The following SCAPER variants were observed in gnomAD, a reference collection of about 807,000 sequenced individuals.
SCAPER encodes S phase cyclin A-associated protein in the endoplasmic reticulum.
In SCAPER, 98 loss-of-function variants were observed where a neutral mutation model predicts 182.2. That is an observed-to-expected ratio of 0.54 (90% CI 0.46 to 0.64). SCAPER has a LOEUF of 0.64. Among genes scored for constraint, SCAPER ranks in the 30% least tolerant of loss-of-function variants. The pLI is 0.00. For missense variants in SCAPER, 1,432 were observed against 1,690.0 expected (o/e 0.85, Z 2.68); for synonymous variants, 605 against 564.6 (o/e 1.07, Z -1.01).
At chr15:76,423,871 T>G (rs1435726514) in intron 26 of SCAPER, among the ~76,000 whole-genome samples, 1 of 152,252 alleles carries the variant, frequency 6.6e-6, no homozygotes, top group Non-Finnish European at 1.5e-5. Context: ...CTTCATTTCG[T>G]TATTTACCCA....
rs936994035 is a variant in SCAPER, at chr15:76,704,810, C to G, written c.2247+1093G>C. On this transcript the variant is annotated intron_variant, in intron 18 of 31. Coordinates refer to ENST00000563290, the MANE Select transcript of SCAPER (RefSeq NM_020843.4). ...ACATGAAAAAATGCTCATCATCACT[C>G]TCCATCAGAGAAATGCAAATCAAAA... Among the ~76,000 whole-genome samples the G allele has an allele frequency of 5.9e-5, 9 of 152,132 alleles. No homozygotes were observed. The South Asian group carries it at 8.3e-4, about 14-fold the overall frequency.
intron 27 of SCAPER, among the ~76,000 whole-genome samples, chr15:76,398,613 A>G (rs1243587566): frequency 1.3e-5 from 2 of 152,250 alleles, no homozygotes; most frequent in East Asian, 3.8e-4. Context: ...TAAATAGACT[A>G]AATCACAAAT....
At chr15:76,606,340 T>A (rs1220359105) in intron 22 of SCAPER, among the ~76,000 whole-genome samples, 22 of 152,328 alleles carry the variant, frequency 1.4e-4, no homozygotes, top group East Asian at 7.7e-4. Context: ...TTTGAGTGAG[T>A]TTCTTAACCC....
chr15:76,531,385 A>C (rs2043651609), intron 23 of SCAPER, among the ~76,000 whole-genome samples: 1 of 152,300 alleles, frequency 6.6e-6, no homozygotes, highest in South Asian at 2.1e-4. Flanking sequence ...GTATGTGTGA[A>C]GACAGTCTCA....
intron 2 of SCAPER, among the ~76,000 whole-genome samples, chr15:76,875,266 G>A (rs2073055561): frequency 6.6e-6 from 1 of 152,112 alleles, no homozygotes; most frequent in Admixed American, 6.5e-5. Flanking sequence ...AACCTAACAG[G>A]ACCATACAGG....
rs2040832702 is a variant in SCAPER at position 76,354,630 on chromosome 15, G to C, written c.3856-490C>G. 1.3e-5 allele frequency: 2 copies of C among 152,256 alleles called. No individual in the cohort carries two copies. Among genetic ancestry groups the C allele is most frequent in the Non-Finnish European group, 2.9e-5 (2 of 68,106 alleles). The allele number at this position is 152,256 out of a possible 1,614,324, so 9.4% of individuals were successfully genotyped here. The stretch of plus-strand genomic sequence containing the variant: ...ATGCAGGCAGGTCCAAGAAAGAAAA[G>C]GTAATTCTAAGGAAAATGGGAACAG... On this transcript the variant is annotated intron_variant, in intron 29 of 31. Transcript: ENST00000563290. This position sits in a 1 kb window ranked among gnomAD's most constrained non-coding sequence, Gnocchi z 4.4.
intron 29 of SCAPER, among the ~76,000 whole-genome samples, chr15:76,366,175 C>G (rs1481568018): frequency 6.6e-6 from 1 of 152,064 alleles, no homozygotes; most frequent in East Asian, 1.9e-4. Flanking sequence ...CATGGAGGCA[C>G]AGGGAGGTGG....
In SCAPER at chr15:76,622,218, C is replaced by T. The variant is rs954269541; in HGVS notation, c.2646-389G>A. Among the ~76,000 whole-genome samples the T allele has an allele frequency of 2.6e-5, 4 of 152,240 alleles. No individual in the cohort carries two copies. The East Asian group carries it at 7.7e-4, about 29-fold the overall frequency. ...TAGGTGACAGTCATCAAGCTAGTCA[C>T]TGATCTAAGACAGTTCTCACTATAG... On this transcript the variant is annotated intron_variant, in intron 21 of 31. Coordinates refer to ENST00000563290, the MANE Select transcript of SCAPER (RefSeq NM_020843.4).
At chr15:76,638,229 A>G (rs890728682) in intron 21 of SCAPER, among the ~76,000 whole-genome samples, 11 of 151,738 alleles carry the variant, frequency 7.2e-5, no homozygotes, top group African/African-American at 2.4e-4. Context: ...CTTTTTCTTT[A>G]ATTTCATTTA....
chr15:76,649,885 T>C (rs1226722654), intron 21 of SCAPER, among the ~76,000 whole-genome samples: 1 of 151,992 alleles, frequency 6.6e-6, no homozygotes, highest in African/African-American at 2.4e-5. Context: ...GTTATTCAGA[T>C]GAAAGAAAAT....
chr15:76,541,150 G>A (rs2044718260), intron 23 of SCAPER, among the ~76,000 whole-genome samples: 1 of 151,594 alleles, frequency 6.6e-6, no homozygotes. Context: ...ATGTTTGTGA[G>A]GAATGATGAG....
intron 22 of SCAPER, among the ~76,000 whole-genome samples, chr15:76,617,127 T>C (rs1434730425): frequency 6.6e-6 from 1 of 152,176 alleles, no homozygotes; most frequent in Non-Finnish European, 1.5e-5. Context: ...TTCTTTATGG[T>C]ATTTAACCAA....
At chr15:76,487,183 A>C (rs2051734226) in intron 24 of SCAPER, among the ~76,000 whole-genome samples, 1 of 152,100 alleles carries the variant, frequency 6.6e-6, no homozygotes, top group African/African-American at 2.4e-5. Context: ...GGCCTATTGG[A>C]GTGTGGAGGT....
At chr15:76,747,815 G>A (rs2061875933) in intron 15 of SCAPER, among the ~76,000 whole-genome samples, 1 of 151,956 alleles carries the variant, frequency 6.6e-6, no homozygotes, top group South Asian at 2.1e-4. Context: ...AGTAGATGAT[G>A]GTGCCATGCT....
intron 23 of SCAPER, among the ~76,000 whole-genome samples, chr15:76,534,460 A>C (rs2043955417): frequency 6.6e-6 from 1 of 152,240 alleles, no homozygotes; most frequent in Non-Finnish European, 1.5e-5. Context: ...TGAGAGGCAA[A>C]AGGATTAGAA....
intron 22 of SCAPER, among the ~76,000 whole-genome samples, chr15:76,599,431 GA>G (rs2049754429): frequency 8.2e-6 from 1 of 121,704 alleles, no homozygotes; most frequent in Admixed American, 9.3e-5. Flanking sequence ...CAATAGAAAT[GA>G]AAACTTATAT....
intron 15 of SCAPER, among the ~76,000 whole-genome samples, chr15:76,746,286 G>C (rs756995522): frequency 1.3e-5 from 2 of 152,230 alleles, no homozygotes; most frequent in Non-Finnish European, 2.9e-5. Flanking sequence ...CATAGATGCT[G>C]AAGTCCCTTA....
At chr15:76,422,604 C>T (rs2046123002) in intron 26 of SCAPER, among the ~76,000 whole-genome samples, 1 of 152,096 alleles carries the variant, frequency 6.6e-6, no homozygotes, top group Admixed American at 6.6e-5. Flanking sequence ...AATTGAATAC[C>T]CTTTATTTCC....
intron 24 of SCAPER, among the ~76,000 whole-genome samples, chr15:76,477,564 ATATTATCAAATTT>A (rs2050755662): frequency 6.6e-6 from 1 of 152,160 alleles, no homozygotes; most frequent in South Asian, 2.1e-4. Context: ...CTTTTGATAG[ATATTATCAAATTT>A]AAACTGCCCT....
Sources: gnomAD v4.1 joint callset for allele counts (sites outside exome capture counted in the v4.1 genomes callset) on GRCh38, gnomAD v4.1.1 for gene constraint, Gnocchi (gnomAD v3.1) non-coding constraint, MANE v1.5 for transcripts, NCBI Gene and HGNC (gene_info 2026-07-23, HGNC 2026-07-21) for gene names.